Variants in ABCD3 observed in about 807,000 individuals in gnomAD.
The protein encoded by ABCD3 is ATP-binding cassette sub-family D member 3.
In ABCD3, 41 loss-of-function variants were observed where a neutral mutation model predicts 105.5. The observed-to-expected ratio is 0.39, with a 90% CI of 0.30 to 0.50. The LOEUF (loss-of-function observed/expected upper bound fraction) is 0.50, where lower values mean the gene tolerates loss of function less well. Among genes scored for constraint, ABCD3 ranks in the 20% least tolerant of loss-of-function variants. ABCD3 has a pLI of 0.84. For missense variants in ABCD3, 622 were observed against 806.3 expected, an observed-to-expected ratio of 0.77 and a Z score of 2.77; for synonymous variants, 258 against 269.0, an observed-to-expected ratio of 0.96 and a Z score of 0.40.
chr1:94,509,149 A>G lies in ABCD3; in HGVS notation c.1845+2507A>G, dbSNP rs190528859. Among the ~76,000 whole-genome samples, 1,409 of 152,256 alleles carry G rather than the reference A, an allele frequency of 9.3e-3. 28 individuals are homozygous for G. The highest frequency in any genetic ancestry group is 0.033 in the African/African-American group (1,363 of 41,534). ...GTCATAGATAGCTCTTATTATTTTG[A>G]GATAGGTCCCATCAATACCTAATTT... On this transcript the variant is annotated intron_variant, in intron 21 of 22. Coordinates refer to ENST00000370214, the MANE Select transcript of ABCD3 (RefSeq NM_002858.4).
Position 94,506,529 on chromosome 1 carries a change from A to G in ABCD3, c.1741-9A>G, listed in dbSNP as rs1570834966. 2 of 1,604,656 alleles carry G rather than the reference A, an allele frequency of 1.2e-6. No homozygotes were observed. The highest frequency in any genetic ancestry group is 2.2e-5 in the East Asian group (1 of 44,706). ...GTGTTTTACACAAAAAATTTTTTTT[A>G]TGCTTCAGATGGCAAGATTATTTTA... On this transcript the variant is annotated splice_polypyrimidine_tract_variant and intron_variant, in intron 20 of 22. Coordinates refer to ENST00000370214, the MANE Select transcript of ABCD3 (RefSeq NM_002858.4).
At chr1:94,513,163 T>G (rs1457696193) in intron 21 of ABCD3, among the ~76,000 whole-genome samples, 1 of 152,134 alleles carries the variant, frequency 6.6e-6, no homozygotes, top group East Asian at 1.9e-4. Flanking sequence ...TTATTTTCTA[T>G]TCTTGAATTT....
chr1:94,401,397 A>G, the ABCD3 span, among the ~76,000 whole-genome samples: 1 of 152,238 alleles, frequency 6.6e-6, no homozygotes, highest in Non-Finnish European at 1.5e-5. Flanking sequence ...ATATGTATGA[A>G]ACAAAATCTC....
intron 4 of ABCD3, 82 bp downstream of exon 4, chr1:94,468,089 A>G (rs759679951): frequency 7.3e-5 from 73 of 999,654 alleles, no homozygotes; most frequent in Middle Eastern, 5.0e-4. Context: ...TAAGCAACAA[A>G]TAGATTCTAA....
intron 1 of ABCD3, among the ~76,000 whole-genome samples, chr1:94,437,842 A>G (rs183359783): frequency 1.2e-3 from 185 of 152,314 alleles, no homozygotes; most frequent in African/African-American, 4.3e-3. Context: ...TATCCACATT[A>G]ATGGGATTTT....
chr1:94,438,282 T>TCACA (rs143373197), intron 1 of ABCD3, among the ~76,000 whole-genome samples: 47 of 116,536 alleles, frequency 4.0e-4, no homozygotes, highest in Non-Finnish European at 4.7e-4. Context: ...CAAGACTCCA[T>TCACA]CACACACACA....
the ABCD3 span, among the ~76,000 whole-genome samples, chr1:94,386,023 G>GTTTCTTTCTTTCTTTC: frequency 1.6e-4 from 25 of 151,522 alleles, no homozygotes; most frequent in African/African-American, 5.6e-4. Context: ...TTTAGAATCT[G>GTTTCTTTCTTTCTTTC]TTTCTTTCTT....
intron 7 of ABCD3, among the ~76,000 whole-genome samples, chr1:94,478,044 G>A (rs888890877): frequency 2.0e-5 from 3 of 152,162 alleles, no homozygotes; most frequent in Admixed American, 6.5e-5. Flanking sequence ...CATTGTGTAA[G>A]CTGTTCCCAT....
At chr1:94,441,689 C>T (rs1226944688) in intron 1 of ABCD3, among the ~76,000 whole-genome samples, 1 of 152,022 alleles carries the variant, frequency 6.6e-6, no homozygotes, top group Non-Finnish European at 1.5e-5. Context: ...TTTCTATGGA[C>T]TGATAGAAAG....
intron 1 of ABCD3, among the ~76,000 whole-genome samples, chr1:94,450,791 T>C (rs1001395854): frequency 4.6e-5 from 7 of 152,220 alleles, no homozygotes; most frequent in Non-Finnish European, 8.8e-5. Flanking sequence ...ATCTCGGCAA[T>C]TTTTACCCCT....
At chr1:94,492,084 C>G (rs2101028143) in intron 16 of ABCD3, among the ~76,000 whole-genome samples, 1 of 151,548 alleles carries the variant, frequency 6.6e-6, no homozygotes. Context: ...GTGACTAGTA[C>G]AGCTGCAAAA....
chr1:94,461,010 T>A (rs1039216295), intron 2 of ABCD3, among the ~76,000 whole-genome samples: 1 of 152,156 alleles, frequency 6.6e-6, no homozygotes, highest in Non-Finnish European at 1.5e-5. Flanking sequence ...ATATACTTAT[T>A]TGCTGGTTGC....
intron 1 of ABCD3, among the ~76,000 whole-genome samples, chr1:94,420,443 AT>A (rs1004480400): frequency 1.3e-4 from 19 of 151,936 alleles, no homozygotes; most frequent in Non-Finnish European, 2.1e-4. Flanking sequence ...GCCTAAAAAA[AT>A]TTTTTTTTGA....
chr1:94,385,135 ATTAAATCTTGC>A, the ABCD3 span, among the ~76,000 whole-genome samples: 1 of 152,128 alleles, frequency 6.6e-6, no homozygotes, highest in African/African-American at 2.4e-5. Context: ...ATCTGGGCAG[ATTAAATCTTGC>A]TCTCTCTGAA....
At chr1:94,490,260 A>T (rs1284210378) in intron 15 of ABCD3, among the ~76,000 whole-genome samples, 1 of 151,944 alleles carries the variant, frequency 6.6e-6, no homozygotes, top group Non-Finnish European at 1.5e-5. Flanking sequence ...TGAGAATTTA[A>T]TTTAGATGTG....
At chr1:94,464,675 C>A in intron 2 of ABCD3, 100 bp from the exon 3 acceptor site, 1 of 1,023,492 alleles carries the variant, frequency 9.8e-7, no homozygotes, top group Non-Finnish European at 1.5e-6. Flanking sequence ...CAGTTTTTAT[C>A]TTGATAGCTG....
In ABCD3 at chr1:94,515,130, AT is replaced by A; in HGVS notation, c.1846-12del. Reference sequence around the variant, plus strand: ...CTCTGTTACTCATTAAACCTAAATCATTTTCTTTGTATTAGGTTGGCATCAC... The same window carrying A: ...CTCTGTTACTCATTAAACCTAAATCATTTCTTTGTATTAGGTTGGCATCAC... On this transcript the variant is annotated splice_polypyrimidine_tract_variant and intron_variant, in intron 21 of 22. Transcript: ENST00000370214. The A allele has an allele frequency of 6.3e-7, 1 of 1,598,352 alleles. No homozygotes were observed. Among genetic ancestry groups the A allele is most frequent in the Non-Finnish European group, 8.6e-7 (1 of 1,166,848 alleles).
chr1:94,392,233 CAT>C, the ABCD3 span, among the ~76,000 whole-genome samples: 3 of 152,178 alleles, frequency 2.0e-5, no homozygotes, highest in African/African-American at 7.2e-5. Context: ...GTGGAAATGA[CAT>C]GTGTTCGTTC....
intron 1 of ABCD3, chr1:94,419,462 G>T: frequency 1.9e-6 from 1 of 539,726 alleles, no homozygotes; most frequent in Non-Finnish European, 2.4e-6. Context: ...CGACATACAG[G>T]TATGTATGTC....
Sources: gnomAD v4.1 joint callset for allele counts (sites outside exome capture counted in the v4.1 genomes callset) on GRCh38, gnomAD v4.1.1 for gene constraint, MANE v1.5 for transcripts, NCBI Gene and HGNC (gene_info 2026-07-23, HGNC 2026-07-21) for gene names.